Variants in PPARGC1B observed in about 807,000 individuals in gnomAD.
The protein encoded by PPARGC1B is peroxisome proliferator-activated receptor gamma coactivator 1-beta.
A neutral mutation model predicts 101.6 loss-of-function variants in PPARGC1B; 34 were observed. That is an observed-to-expected ratio of 0.33 (90% CI 0.25 to 0.45). The LOEUF is 0.45. Ranked by LOEUF, PPARGC1B falls within the 20% of genes least tolerant of loss-of-function variation. PPARGC1B has a pLI of 1.00. For synonymous variants in PPARGC1B, 548 were observed against 539.3 expected, an observed-to-expected ratio of 1.02 and a Z score of -0.22; for missense variants, 1,234 against 1,317.6, an observed-to-expected ratio of 0.94 and a Z score of 0.98.
intron 1 of PPARGC1B, among the ~76,000 whole-genome samples, chr5:149,773,078 C>T (rs975900742): frequency 6.6e-6 from 1 of 152,064 alleles, no homozygotes; most frequent in South Asian, 2.1e-4. Context: ...TATTGTTCTG[C>T]CCGTGTACCA....
Position 149,811,238 on chromosome 5 carries a change from T to C in PPARGC1B, c.79-9195T>C, listed in dbSNP as rs376030427. On this transcript the variant is annotated intron_variant, in intron 1 of 11. Coordinates refer to ENST00000309241, the MANE Select transcript of PPARGC1B (RefSeq NM_133263.4). ...AGGGTTCTAGTTTCCAGTTTCAGGA[T>C]GCATTCAGCTGGATCAAGAACTTTG... Among the ~76,000 whole-genome samples, 17 of 152,358 alleles carry C rather than the reference T, an allele frequency of 1.1e-4. No individual in the cohort carries two copies. The South Asian group carries it at 1.2e-3, about 11-fold the overall frequency.
intron 1 of PPARGC1B, among the ~76,000 whole-genome samples, chr5:149,745,836 C>G (rs1440782155): frequency 6.6e-6 from 1 of 152,124 alleles, no homozygotes; most frequent in Non-Finnish European, 1.5e-5. Context: ...TCCTCAATCC[C>G]ACACCCACTT....
At chr5:149,772,040 A>T (rs1359227615) in intron 1 of PPARGC1B, 3 of 1,504,580 alleles carry the variant, frequency 2.0e-6, no homozygotes, top group Non-Finnish European at 2.7e-6. Context: ...TCCAACTTAG[A>T]CGTGCCAGGC....
chr5:149,857,703 A>G (rs908159501), downstream of PPARGC1B, among the ~76,000 whole-genome samples: 3 of 152,222 alleles, frequency 2.0e-5, no homozygotes, highest in African/African-American at 7.2e-5. Context: ...GGCCACCAGG[A>G]TGTGGCTGCC....
At chr5:149,793,914 A>C (rs1376390238) in intron 1 of PPARGC1B, among the ~76,000 whole-genome samples, 1 of 152,180 alleles carries the variant, frequency 6.6e-6, no homozygotes, top group Non-Finnish European at 1.5e-5. Flanking sequence ...TGTTACTATT[A>C]TTCCAGGGTC....
chr5:149,801,950 T>C (rs942887077), intron 1 of PPARGC1B, among the ~76,000 whole-genome samples: 3 of 152,180 alleles, frequency 2.0e-5, no homozygotes, highest in African/African-American at 7.2e-5. Flanking sequence ...GCCCTTCTCG[T>C]TAATCCTCAT....
intron 1 of PPARGC1B, among the ~76,000 whole-genome samples, chr5:149,762,003 G>C (rs2113155930): frequency 6.6e-6 from 1 of 152,270 alleles, no homozygotes; most frequent in Middle Eastern, 3.4e-3. Context: ...ATCCTTTGCT[G>C]TTCCCTCCTC....
chr5:149,743,439 GC>G (rs1754981469), intron 1 of PPARGC1B, among the ~76,000 whole-genome samples: 1 of 152,106 alleles, frequency 6.6e-6, no homozygotes, highest in Non-Finnish European at 1.5e-5. Context: ...CCAGGCGTGA[GC>G]CACCGTGCCC....
intron 1 of PPARGC1B, among the ~76,000 whole-genome samples, chr5:149,779,492 C>A (rs530310164): frequency 8.5e-5 from 13 of 152,282 alleles, no homozygotes; most frequent in African/African-American, 3.1e-4. Context: ...TACTGTATAG[C>A]ACACACTAAG....
chr5:149,730,722 G>A lies in PPARGC1B; in HGVS notation c.78+302G>A, dbSNP rs998706258. The stretch of plus-strand genomic sequence containing the variant: ...GGGGGGTACCGCGCTTCCTTTGGGA[G>A]GTGGAGGCGCGCCACGGTGTGGGGT... On this transcript the variant is annotated intron_variant, in intron 1 of 11. Transcript: ENST00000309241. This position sits in a 1 kb window ranked among gnomAD's most constrained non-coding sequence, Gnocchi z 4.0. 1.3e-5 allele frequency among the ~76,000 whole-genome samples: 2 copies of A among 152,214 alleles called. No individual in the cohort carries two copies. Among genetic ancestry groups the A allele is most frequent in the Admixed American group, 6.5e-5 (1 of 15,292 alleles).
At chr5:149,785,688 G>A (rs1004179613) in intron 1 of PPARGC1B, among the ~76,000 whole-genome samples, 3 of 152,236 alleles carry the variant, frequency 2.0e-5, no homozygotes, top group African/African-American at 7.2e-5. Context: ...TTTGGTTCCT[G>A]ACGGTGCCAC....
At chr5:149,733,627 CAG>C (rs1305132824) in intron 1 of PPARGC1B, among the ~76,000 whole-genome samples, 1 of 152,136 alleles carries the variant, frequency 6.6e-6, no homozygotes, top group Non-Finnish European at 1.5e-5. Flanking sequence ...GGATTACAGA[CAG>C]GGGTGCAGCT....
intron 1 of PPARGC1B, among the ~76,000 whole-genome samples, chr5:149,776,027 C>T (rs1253346882): frequency 6.6e-6 from 1 of 152,194 alleles, no homozygotes; most frequent in Non-Finnish European, 1.5e-5. Flanking sequence ...ATAGACTGCC[C>T]AACCCTCTTC....
intron 1 of PPARGC1B, chr5:149,732,933 A>G (rs2113055322): frequency 2.7e-6 from 1 of 374,530 alleles, no homozygotes; most frequent in African/African-American, 2.2e-5. Flanking sequence ...GTGACCCCGG[A>G]GCAAGCCATT....
chr5:149,741,055 C>A (rs1754886371), intron 1 of PPARGC1B, among the ~76,000 whole-genome samples: 1 of 152,108 alleles, frequency 6.6e-6, no homozygotes, highest in Admixed American at 6.6e-5. Flanking sequence ...GCCGGGCTGG[C>A]TCTGAGTAGC....
chr5:149,846,178 C>G lies in PPARGC1B; in HGVS notation c.2971+264C>G, dbSNP rs954210934. ...CCCACGGCCTCTAGGAAGATTCAGT[C>G]ATGTGCACAGCCAGCTGGCAGAACC... is the stretch of plus-strand genomic sequence containing the variant. On this transcript the variant is annotated intron_variant, in intron 11 of 11. Transcript: ENST00000309241. 140 of 584,980 alleles carry G rather than the reference C, an allele frequency of 2.4e-4. 1 individual carries two copies. Among genetic ancestry groups the G allele is most frequent in the Admixed American group, 1.9e-3 (61 of 32,946 alleles). The allele number at this position is 584,980 out of a possible 1,614,324, so 36.2% of individuals were successfully genotyped here. A position where few individuals can be genotyped will look rare whatever the true frequency, so the allele number is the denominator to read the frequency against.
Position 149,809,440 on chromosome 5 carries a change from C to CGTAGATAG in PPARGC1B, c.79-10993_79-10992insGTAGATAG, listed in dbSNP as rs779860877. 6.5e-3 allele frequency among the ~76,000 whole-genome samples: 534 copies of CGTAGATAG among 82,438 alleles called. 7 individuals are homozygous for CGTAGATAG. Among genetic ancestry groups the CGTAGATAG allele is most frequent in the South Asian group, 0.014 (31 of 2,142 alleles). The allele number at this position is 82,438 out of a possible 152,430, so 54.1% of individuals were successfully genotyped here. ...GATAGATAGATAGATCCATCTCTAC[C>CGTAGATAG]ATAGATAGATAGATAGATAGATAGA... On this transcript the variant is annotated intron_variant, in intron 1 of 11. Coordinates refer to ENST00000309241, the MANE Select transcript of PPARGC1B (RefSeq NM_133263.4).
intron 2 of PPARGC1B, among the ~76,000 whole-genome samples, chr5:149,822,493 C>T (rs766749181): frequency 1.3e-5 from 2 of 152,238 alleles, no homozygotes; most frequent in Non-Finnish European, 2.9e-5. Flanking sequence ...GGGCCTGTCC[C>T]CAGCCCCTGC....
At chr5:149,748,318 G>T (rs202209684) in intron 1 of PPARGC1B, among the ~76,000 whole-genome samples, 1 of 72,614 alleles carries the variant, frequency 1.4e-5, no homozygotes, top group African/African-American at 6.7e-5. Flanking sequence ...TATAGATATA[G>T]ATATATCTAT....
Sources: allele counts gnomAD v4.1 joint callset (sites outside exome capture counted in the v4.1 genomes callset), GRCh38; gene constraint gnomAD v4.1.1; non-coding constraint Gnocchi (gnomAD v3.1); transcripts MANE v1.5; gene names NCBI Gene and HGNC (gene_info 2026-07-23, HGNC 2026-07-21).